ITGA11: variants seen among roughly 807,000 people sequenced by gnomAD.
ITGA11 encodes integrin alpha-11.
In ITGA11, 97 loss-of-function variants were observed where a neutral mutation model predicts 141.9. The ratio of observed to expected loss-of-function variants is 0.68; its 90% CI spans 0.58 to 0.81. ITGA11 has a LOEUF of 0.81. ITGA11 is among the 30% of genes least tolerant of loss of function. The pLI, the probability that ITGA11 is intolerant of heterozygous loss-of-function variation, is 0.00. For synonymous variants in ITGA11, 658 were observed against 624.6 expected (o/e 1.05, Z -0.80); for missense variants, 1,387 against 1,559.2 (o/e 0.89, Z 1.86).
At chr15:68,390,826 T>C (rs1723935223) in intron 2 of ITGA11, among the ~76,000 whole-genome samples, 1 of 152,156 alleles carries the variant, frequency 6.6e-6, no homozygotes, top group Non-Finnish European at 1.5e-5. Context: ...TTCGGGAAGG[T>C]TGGCAGAGGT....
At chr15:68,344,633 G>A (rs944943658) in intron 10 of ITGA11, among the ~76,000 whole-genome samples, 1 of 151,974 alleles carries the variant, frequency 6.6e-6, no homozygotes, top group African/African-American at 2.4e-5. Context: ...AGCGGAGGGA[G>A]AAAGAGGACT....
chr15:68,357,614 A>G (rs1395355020), intron 6 of ITGA11, among the ~76,000 whole-genome samples: 1 of 152,238 alleles, frequency 6.6e-6, no homozygotes, highest in Non-Finnish European at 1.5e-5. Context: ...GTCTAAGTCC[A>G]AAAAATTATG....
chr15:68,427,444 C>T (rs1197983721), intron 1 of ITGA11, among the ~76,000 whole-genome samples: 2 of 152,108 alleles, frequency 1.3e-5, no homozygotes, highest in East Asian at 1.9e-4. Context: ...GATTTGCATC[C>T]GGGCAGTCTA....
At chr15:68,411,219 C>T (rs926211050) in intron 1 of ITGA11, among the ~76,000 whole-genome samples, 1 of 152,208 alleles carries the variant, frequency 6.6e-6, no homozygotes, top group African/African-American at 2.4e-5. Flanking sequence ...TCTACTTATC[C>T]CTTTATCCCA....
At chr15:68,401,023 A>G (rs1327297551) in intron 2 of ITGA11, among the ~76,000 whole-genome samples, 3 of 138,852 alleles carry the variant, frequency 2.2e-5, no homozygotes, top group African/African-American at 8.1e-5. Context: ...AAGACACACA[A>G]CACAATCTTT....
At chr15:68,417,811 C>T (rs1896922486) in intron 1 of ITGA11, among the ~76,000 whole-genome samples, 1 of 152,240 alleles carries the variant, frequency 6.6e-6, no homozygotes, top group Admixed American at 6.5e-5. Context: ...CCTTCTCAAC[C>T]TCCAGTTTTA....
At chr15:68,431,820 C>G (rs931246466) in intron 1 of ITGA11, among the ~76,000 whole-genome samples, 195 bp downstream of exon 1, 1 of 152,254 alleles carries the variant, frequency 6.6e-6, no homozygotes, top group Non-Finnish European at 1.5e-5. Flanking sequence ...CAATAGCCTT[C>G]GCACCTCCCT....
At chr15:68,426,412 C>T (rs1011319848) in intron 1 of ITGA11, among the ~76,000 whole-genome samples, 4 of 152,278 alleles carry the variant, frequency 2.6e-5, no homozygotes, top group Non-Finnish European at 4.4e-5. Flanking sequence ...TGTTCCAGAG[C>T]ACTGGGCACC....
At chr15:68,368,853 G>A (rs1209469508) in intron 3 of ITGA11, among the ~76,000 whole-genome samples, 1 of 138,166 alleles carries the variant, frequency 7.2e-6, no homozygotes, top group Non-Finnish European at 1.5e-5. Flanking sequence ...GAAAAAGACA[G>A]GAAGTCCTTT....
intron 5 of ITGA11, among the ~76,000 whole-genome samples, chr15:68,359,481 A>C (rs1895176572): frequency 6.6e-6 from 1 of 152,184 alleles, no homozygotes; most frequent in Admixed American, 6.5e-5. Flanking sequence ...CCCCGTCTCT[A>C]CTAAAAATAC....
Position 68,321,165 on chromosome 15 carries a change from CT to C in ITGA11, c.2408+252del, listed in dbSNP as rs75833921. 0.058 allele frequency among the ~76,000 whole-genome samples: 8,452 copies of C among 146,018 alleles called. 306 individuals carry two copies. Among genetic ancestry groups the C allele is most frequent in the Middle Eastern group, 0.1 (29 of 282 alleles). On this transcript the variant is annotated intron_variant, in intron 19 of 29. Coordinates refer to ENST00000315757, the MANE Select transcript of ITGA11 (RefSeq NM_001004439.2). This position sits in a 1 kb window ranked among gnomAD's most constrained non-coding sequence, Gnocchi z 4.9. ...AATGTGGGCTCCGAAGAAAGGGTTT[CT>C]TTTTTTTTTTTTTTTTAACAAAATT... is the stretch of plus-strand genomic sequence containing the variant.
intron 10 of ITGA11, chr15:68,340,707 T>G (rs1894538496): frequency 6.6e-6 from 1 of 152,228 alleles, no homozygotes; most frequent in South Asian, 2.1e-4. Context: ...TCCAGGTTAC[T>G]GACCCCATGG....
intron 2 of ITGA11, among the ~76,000 whole-genome samples, chr15:68,397,573 ATAT>A (rs1489061184): frequency 1.9e-3 from 24 of 12,464 alleles, no homozygotes; most frequent in Non-Finnish European, 2.6e-3. Flanking sequence ...AATATTTAAA[ATAT>A]TATATTTAAA....
intron 10 of ITGA11, among the ~76,000 whole-genome samples, chr15:68,343,730 C>T (rs1201348680): frequency 6.6e-6 from 1 of 152,154 alleles, no homozygotes; most frequent in Admixed American, 6.5e-5. Context: ...GCTCTGTTCC[C>T]AGGAGCCCCT....
intron 2 of ITGA11, among the ~76,000 whole-genome samples, chr15:68,401,049 C>T (rs1472532026): frequency 1.4e-5 from 2 of 142,780 alleles, no homozygotes; most frequent in Non-Finnish European, 3.0e-5. Context: ...GGGCAAAAGA[C>T]CTGATACAGC....
In ITGA11 at chr15:68,327,364, G is replaced by A. The variant is rs1467272072; in HGVS notation, c.2069-568C>T. Among the ~76,000 whole-genome samples, 4 of 152,340 alleles carry A rather than the reference G, an allele frequency of 2.6e-5. No homozygotes were observed. The South Asian group carries it at 6.2e-4, about 24-fold the overall frequency. On this transcript the variant is annotated intron_variant, in intron 16 of 29. Transcript: ENST00000315757. The stretch of plus-strand genomic sequence containing the variant: ...AGTCCCTTCTCCTGTTCTCCAGCAC[G>A]CCCGCAGGTTGCTGCTGGCTCTCAT...
intron 2 of ITGA11, among the ~76,000 whole-genome samples, chr15:68,392,363 G>A (rs1268275350): frequency 6.6e-6 from 1 of 152,198 alleles, no homozygotes; most frequent in Non-Finnish European, 1.5e-5. Context: ...AAATACAGAA[G>A]CTGAAACCCT....
chr15:68,321,307 A>G lies in ITGA11; in HGVS notation c.2408+111T>C. 1 of 600,508 alleles carries G rather than the reference A, an allele frequency of 1.7e-6. No individual in the cohort carries two copies. The highest frequency in any genetic ancestry group is 2.8e-6 in the Non-Finnish European group (1 of 356,774). The allele number at this position is 600,508 out of a possible 1,614,324, so 37.2% of individuals were successfully genotyped here. A position where few individuals can be genotyped will look rare whatever the true frequency, so the allele number is the denominator to read the frequency against. ...AGGCTCCAAGTGCAATGTTTGATCC[A>G]TGCTGCCTGTGAGGAGGATGTCCAG... On this transcript the variant is annotated intron_variant, in intron 19 of 29. Coordinates refer to ENST00000315757, the MANE Select transcript of ITGA11 (RefSeq NM_001004439.2). The surrounding 1 kb of genome is among the most constrained non-coding windows in gnomAD (Gnocchi z 4.9).
intron 1 of ITGA11, among the ~76,000 whole-genome samples, chr15:68,431,661 G>A (rs1897273464): frequency 6.6e-6 from 1 of 152,210 alleles, no homozygotes; most frequent in South Asian, 2.1e-4. Flanking sequence ...CGGCGCTCCC[G>A]GGACACCCGA....
Sources: gnomAD v4.1 joint callset for allele counts (sites outside exome capture counted in the v4.1 genomes callset) on GRCh38, gnomAD v4.1.1 for gene constraint, Gnocchi (gnomAD v3.1) non-coding constraint, MANE v1.5 for transcripts, NCBI Gene and HGNC (gene_info 2026-07-23, HGNC 2026-07-21) for gene names.